The following MBOAT2 variants were observed in gnomAD, a reference collection of about 807,000 sequenced individuals.
MBOAT2 encodes membrane bound glycerophospholipid O-acyltransferase 2.
In MBOAT2, 28 loss-of-function variants were observed where a neutral mutation model predicts 63.4. That is an observed-to-expected ratio of 0.44 (90% CI 0.33 to 0.61). MBOAT2 has a LOEUF of 0.61. Ranked by LOEUF, MBOAT2 falls within the 20% of genes least tolerant of loss-of-function variation. The pLI is 0.03. For synonymous variants in MBOAT2, 211 were observed against 215.6 expected (o/e 0.98, Z 0.19); for missense variants, 470 against 605.8 (o/e 0.78, Z 2.35).
chr2:8,906,152 G>T (rs1573015390), intron 4 of MBOAT2, among the ~76,000 whole-genome samples: 1 of 152,124 alleles, frequency 6.6e-6, no homozygotes, highest in African/African-American at 2.4e-5. Flanking sequence ...TAGAGACAGG[G>T]TTTTGCCATG....
At chr2:8,896,168 G>A (rs893502651) in intron 4 of MBOAT2, among the ~76,000 whole-genome samples, 2 of 151,714 alleles carry the variant, frequency 1.3e-5, no homozygotes, top group African/African-American at 2.4e-5. Flanking sequence ...GAACCCGGGA[G>A]GTGGAGCTTG....
At chr2:8,911,328 G>C (rs1204529128) in intron 3 of MBOAT2, among the ~76,000 whole-genome samples, 1 of 152,158 alleles carries the variant, frequency 6.6e-6, no homozygotes, top group Non-Finnish European at 1.5e-5. Context: ...ATCTTGGGAG[G>C]AAAGTGGGTA....
chr2:8,863,215 AAC>A (rs1661613192), intron 10 of MBOAT2, among the ~76,000 whole-genome samples: 1 of 152,198 alleles, frequency 6.6e-6, no homozygotes, highest in African/African-American at 2.4e-5. Context: ...AACAAAAAAT[AAC>A]ACAACAGATT....
At chr2:8,987,678 C>CA (rs1473442395) in intron 1 of MBOAT2, among the ~76,000 whole-genome samples, 3 of 152,136 alleles carry the variant, frequency 2.0e-5, no homozygotes, top group African/African-American at 7.2e-5. Flanking sequence ...TGCTGGCTGT[C>CA]ATCTGGACTT....
chr2:8,882,453 C>A lies in MBOAT2; in HGVS notation c.506+58G>T. The A allele has an allele frequency of 2.6e-6, 4 of 1,551,602 alleles. No homozygotes were observed. The Admixed American group carries it at 6.7e-5, about 26-fold the overall frequency. ...TAGTCAGCCTCAGCCACAGAAGGAA[C>A]GTGGGTCCTAGGCAGGGGCGCAGGA... is the stretch of plus-strand genomic sequence containing the variant. On this transcript the variant is annotated intron_variant, in intron 6 of 12. Coordinates refer to ENST00000305997, the MANE Select transcript of MBOAT2 (RefSeq NM_138799.4).
chr2:8,963,309 A>T (rs769524851), intron 1 of MBOAT2, among the ~76,000 whole-genome samples: 45 of 151,242 alleles, frequency 3.0e-4, no homozygotes, highest in Non-Finnish European at 4.9e-4. Flanking sequence ...AAAGAAACTA[A>T]TTTTTTTTTC....
chr2:8,986,624 T>C (rs1406143802), intron 1 of MBOAT2, among the ~76,000 whole-genome samples: 2 of 152,034 alleles, frequency 1.3e-5, no homozygotes, highest in South Asian at 4.1e-4. Context: ...AAGGACTCTA[T>C]AGACTGAATG....
At chr2:8,926,573 C>T (rs953432540) in intron 3 of MBOAT2, among the ~76,000 whole-genome samples, 2 of 152,130 alleles carry the variant, frequency 1.3e-5, no homozygotes, top group Non-Finnish European at 2.9e-5. Context: ...CTACTACAAA[C>T]GGTTCATTAT....
At chr2:8,912,735 G>A (rs1433992935) in intron 3 of MBOAT2, among the ~76,000 whole-genome samples, 1 of 152,130 alleles carries the variant, frequency 6.6e-6, no homozygotes, top group Non-Finnish European at 1.5e-5. Context: ...TCATGGATGG[G>A]TAGAATCAGT....
At chr2:8,889,659 C>A (rs1359717749) in intron 4 of MBOAT2, among the ~76,000 whole-genome samples, 1 of 152,210 alleles carries the variant, frequency 6.6e-6, no homozygotes, top group Non-Finnish European at 1.5e-5. Flanking sequence ...TAATTCTTTT[C>A]ATAGTTTAGC....
chr2:8,932,768 A>C (rs970349955), intron 3 of MBOAT2, among the ~76,000 whole-genome samples: 4 of 152,122 alleles, frequency 2.6e-5, no homozygotes, highest in African/African-American at 9.6e-5. Flanking sequence ...AAAAAAAAAA[A>C]CACTCAGCAA....
At chr2:8,895,965 C>T (rs1234868979) in intron 4 of MBOAT2, among the ~76,000 whole-genome samples, 1 of 152,128 alleles carries the variant, frequency 6.6e-6, no homozygotes, top group African/African-American at 2.4e-5. Flanking sequence ...GAGCCGGGCA[C>T]GGTGGCTCAT....
chr2:8,925,851 T>C (rs935990387), intron 3 of MBOAT2, among the ~76,000 whole-genome samples: 2 of 152,242 alleles, frequency 1.3e-5, no homozygotes, highest in African/African-American at 4.8e-5. Flanking sequence ...ACTGATGGCA[T>C]GTAAACCTTT....
intron 1 of MBOAT2, among the ~76,000 whole-genome samples, chr2:8,968,305 T>C (rs575172458): frequency 6.6e-6 from 1 of 152,192 alleles, no homozygotes; most frequent in Non-Finnish European, 1.5e-5. Flanking sequence ...CCAACAGACC[T>C]GCAGCTGAGG....
chr2:8,876,444 C>G (rs1051130913), intron 7 of MBOAT2, among the ~76,000 whole-genome samples: 6 of 152,174 alleles, frequency 3.9e-5, no homozygotes, highest in Non-Finnish European at 8.8e-5. Context: ...GTGCCTGGCA[C>G]ATGGTGAGCA....
intron 5 of MBOAT2, among the ~76,000 whole-genome samples, chr2:8,885,754 A>C (rs1663505174): frequency 1.3e-5 from 2 of 152,242 alleles, no homozygotes; most frequent in South Asian, 4.1e-4. Context: ...AACCATGCCT[A>C]GAAATACCCA....
intron 4 of MBOAT2, among the ~76,000 whole-genome samples, chr2:8,895,225 A>C (rs1054542291): frequency 2.6e-5 from 4 of 152,068 alleles, no homozygotes; most frequent in African/African-American, 7.2e-5. Context: ...CTGATTGGTC[A>C]ATTTTACAGA....
At chr2:8,917,219 A>G (rs545925362) in intron 3 of MBOAT2, among the ~76,000 whole-genome samples, 1 of 152,330 alleles carries the variant, frequency 6.6e-6, no homozygotes, top group African/African-American at 2.4e-5. Context: ...CAGGTTTCTT[A>G]GTAAAAGATA....
Position 9,003,541 on chromosome 2 carries a change from T to C in MBOAT2, c.74A>G (p.Gln25Arg). 1.6e-6 allele frequency: 2 copies of C among 1,212,726 alleles called. No homozygotes were observed. 75.1% of individuals were successfully genotyped at this position (1,212,726 alleles called of 1,614,324 possible). ...LSNAVQLPIDQVNFVVCQLFA... is the reference protein window; with the variant it reads ...LSNAVQLPIDRVNFVVCQLFA... Reference sequence around the variant, plus strand: ...CGGCGCCAGGGCGCCTCGGGGTACCTGGTCGATGGGCAGCTGCACGGCGTT... The same window carrying C: ...CGGCGCCAGGGCGCCTCGGGGTACCCGGTCGATGGGCAGCTGCACGGCGTT... Residue 25 changes from glutamine to arginine, a missense_variant and splice_region_variant, in exon 1 of 13, where the codon CAG becomes CGG. Around this residue, in one of 3 missense-constraint regions of MBOAT2, gnomAD observed 376 missense variants for 503.8 expected, o/e 0.75. Coordinates refer to ENST00000305997, the MANE Select transcript of MBOAT2 (RefSeq NM_138799.4). The surrounding 1 kb of genome is among the most constrained non-coding windows in gnomAD (Gnocchi z 5.4).
Sources: gnomAD v4.1 joint callset for allele counts (sites outside exome capture counted in the v4.1 genomes callset) on GRCh38, gnomAD v4.1.1 for gene constraint, gnomAD v4.1.1 regional missense constraint, Gnocchi (gnomAD v3.1) non-coding constraint, MANE v1.5 for transcripts, NCBI Gene and HGNC (gene_info 2026-07-23, HGNC 2026-07-21) for gene names.